The following ZNF763 variants were observed in gnomAD, a reference collection of about 807,000 sequenced individuals.
The protein encoded by ZNF763 is zinc finger protein 763.
Under a neutral mutation model 38.0 loss-of-function variants are expected in ZNF763, and 33 were observed. The observed-to-expected ratio is 0.87, with a 90% confidence interval of 0.66 to 1.16. ZNF763 has a LOEUF of 1.16. Among genes scored for constraint, ZNF763 ranks in the 50% most tolerant of loss-of-function variants. The pLI is 0.00. For synonymous variants in ZNF763, 155 were observed against 160.1 expected, an observed-to-expected ratio of 0.97 and a Z score of 0.24; for missense variants, 423 against 469.1, an observed-to-expected ratio of 0.90 and a Z score of 0.91.
At chr19:11,966,981 G>A (rs904085912) in intron 1 of ZNF763, among the ~76,000 whole-genome samples, 1 of 152,150 alleles carries the variant, frequency 6.6e-6, no homozygotes, top group Non-Finnish European at 1.5e-5. Context: ...AGGGTTCTTG[G>A]ATCTCACACA....
At chr19:11,978,031 G>A in intron 3 of ZNF763, 85 bp from the exon 4 acceptor site, 1 of 1,512,678 alleles carries the variant, frequency 6.6e-7, no homozygotes, top group Non-Finnish European at 8.9e-7. Flanking sequence ...CACCTTGATG[G>A]ACCATGTTAA....
intron 1 of ZNF763, among the ~76,000 whole-genome samples, chr19:11,967,149 A>G (rs1387383743): frequency 6.6e-6 from 1 of 152,178 alleles, no homozygotes; most frequent in Non-Finnish European, 1.5e-5. Context: ...ACCCTGGGCA[A>G]CATAGCGAAA....
chr19:11,977,077 C>G lies in ZNF763; in HGVS notation c.43C>G (p.Gln15Glu), dbSNP rs781659196. The G allele has an allele frequency of 5.0e-5, 80 of 1,614,144 alleles. 1 individual carries two copies. The South Asian group carries it at 8.1e-4, about 16-fold the overall frequency. ...TGAGGATGTTGCTGTGAACTTCACC[C>G]AGGAGGAGTGGGCTTTGCTGGATAT... is the stretch of plus-strand genomic sequence containing the variant. ...ACEDVAVNFT[Q>E]EEWALLDISQ... Residue 15 changes from glutamine (Q) to glutamate (E), a missense_variant, in exon 2 of 4, where the codon CAG becomes GAG. Coordinates refer to ENST00000358987, the MANE Select transcript of ZNF763 (RefSeq NM_001367172.2).
Position 11,979,481 on chromosome 19 carries a change from G to C in ZNF763, c.*372G>C. ...TTATAAATGTAAGACATGTGGGAAA[G>C]GCTTTTATTCTCCCACGTCATTTCA... On this transcript the variant is annotated 3_prime_UTR_variant, in exon 4 of 4. Coordinates refer to ENST00000358987, the MANE Select transcript of ZNF763 (RefSeq NM_001367172.2). The C allele has an allele frequency of 1.9e-6, 3 of 1,602,916 alleles. No homozygotes were observed.
chr19:11,966,635 G>T (rs904912324), intron 1 of ZNF763, among the ~76,000 whole-genome samples: 1 of 152,088 alleles, frequency 6.6e-6, no homozygotes, highest in Non-Finnish European at 1.5e-5. Flanking sequence ...CGGCCTCCCA[G>T]TGTGCGGGGA....
At position 11,978,248 on chromosome 19, in the gene ZNF763, C is replaced by T. The variant is rs771591771; in HGVS notation, c.324C>T (p.Asn108=). The T allele has an allele frequency of 6.8e-6, 11 of 1,614,030 alleles. No homozygotes were observed. The highest frequency in any genetic ancestry group is 8.5e-6 in the Non-Finnish European group (10 of 1,179,968). Residue 108 remains asparagine, a synonymous_variant, in exon 4 of 4, where the codon AAC becomes AAT. Transcript: ENST00000358987. ...KASPEAKSCD[N]FVCGEVGIGN... ...CTCCTGAAGCAAAATCATGTGATAA[C>T]TTTGTATGTGGAGAAGTTGGCATAG...
chr19:11,978,863 A>G lies in ZNF763; in HGVS notation c.939A>G (p.Glu313=). Residue 313 remains glutamate, a synonymous_variant, in exon 4 of 4, where the codon GAA becomes GAG. Coordinates refer to ENST00000358987, the MANE Select transcript of ZNF763 (RefSeq NM_001367172.2). The part of the protein sequence containing the change: ...ERTHTGEKPC[E]CSKCNKAFRS... ...CTCACACTGGGGAGAAGCCCTGTGA[A>G]TGTAGCAAATGTAATAAAGCATTCC... 6.2e-7 allele frequency: 1 copy of G among 1,614,030 alleles called. No individual in the cohort carries two copies. The highest frequency in any genetic ancestry group is 1.3e-5 in the African/African-American group (1 of 75,018).
rs1448559672 is a variant in ZNF763 at position 11,979,583 on chromosome 19, T to C, written c.*474T>C. The C allele has an allele frequency of 1.2e-6, 2 of 1,603,936 alleles. No individual in the cohort carries two copies. The highest frequency in any genetic ancestry group is 3.4e-5 in the Admixed American group (2 of 59,522). On this transcript the variant is annotated 3_prime_UTR_variant, in exon 4 of 4. Coordinates refer to ENST00000358987, the MANE Select transcript of ZNF763 (RefSeq NM_001367172.2). ...TGGTAAAGCCTTCAGTAGTTCCAGTTCCTTTTGGTACCATGAAAGGACTCA... is the reference window on the plus strand; with the variant it reads ...TGGTAAAGCCTTCAGTAGTTCCAGTCCCTTTTGGTACCATGAAAGGACTCA...
chr19:11,979,247 A>G lies in ZNF763; in HGVS notation c.*138A>G. The stretch of plus-strand genomic sequence containing the variant: ...CTTTCCAGTTCCTTTCAGTATCATG[A>G]AAGGACTCACACTGGAGAGAAACCC... On this transcript the variant is annotated 3_prime_UTR_variant, in exon 4 of 4. Coordinates refer to ENST00000358987, the MANE Select transcript of ZNF763 (RefSeq NM_001367172.2). The G allele has an allele frequency of 2.5e-6, 4 of 1,612,846 alleles. No homozygotes were observed. The highest frequency in any genetic ancestry group is 3.4e-6 in the Non-Finnish European group (4 of 1,179,458).
At position 11,977,352 on chromosome 19, in the gene ZNF763, T is replaced by G; in HGVS notation, c.131-19T>G. Reference sequence around the variant, plus strand: ...GTTTTATATTGCTTCAGGACTACTTTTCTGTGTCTGTATTTTAGGGAAAAA... The same window carrying G: ...GTTTTATATTGCTTCAGGACTACTTGTCTGTGTCTGTATTTTAGGGAAAAA... On this transcript the variant is annotated intron_variant, in intron 2 of 3. Transcript: ENST00000358987. 4 of 1,613,476 alleles carry G rather than the reference T, an allele frequency of 2.5e-6. No individual in the cohort carries two copies. The highest frequency in any genetic ancestry group is 3.4e-6 in the Non-Finnish European group (4 of 1,179,740).
intron 1 of ZNF763, among the ~76,000 whole-genome samples, chr19:11,974,473 G>A (rs1032479450): frequency 1.3e-5 from 2 of 151,808 alleles, no homozygotes; most frequent in African/African-American, 4.8e-5. Context: ...CTCAATTATA[G>A]GTGTGAGCCA....
chr19:11,979,405 A>G lies in ZNF763; in HGVS notation c.*296A>G. The G allele has an allele frequency of 1.9e-6, 3 of 1,610,110 alleles. No homozygotes were observed. The highest frequency in any genetic ancestry group is 2.5e-6 in the Non-Finnish European group (3 of 1,177,948). ...CCTTCAGATCTGCCTCACACCTTCA[A>G]ATTCATGAAAGGACACAAACACACA... is the stretch of plus-strand genomic sequence containing the variant. On this transcript the variant is annotated 3_prime_UTR_variant, in exon 4 of 4. Transcript: ENST00000358987.
At chr19:11,974,061 C>T (rs78896732) in intron 1 of ZNF763, among the ~76,000 whole-genome samples, 2,687 of 144,208 alleles carry the variant, frequency 0.019, 42 homozygotes, top group African/African-American at 0.027. Context: ...TCTTTCTTTC[C>T]TTCTTTCTTT....
chr19:11,979,892 C>A lies in ZNF763; in HGVS notation c.*783C>A, dbSNP rs1431527390. On this transcript the variant is annotated 3_prime_UTR_variant, in exon 4 of 4. Coordinates refer to ENST00000358987, the MANE Select transcript of ZNF763 (RefSeq NM_001367172.2). ...CGTAAGAATGCACTCTGTAGAAAGA[C>A]CTTATAAATGTAAGATATGTGGGAA... 1.4e-6 allele frequency: 2 copies of A among 1,424,480 alleles called. No individual in the cohort carries two copies. Among genetic ancestry groups the A allele is most frequent in the Admixed American group, 3.4e-5 (2 of 58,020 alleles). 88.2% of individuals were successfully genotyped at this position (1,424,480 alleles called of 1,614,324 possible).
intron 1 of ZNF763, among the ~76,000 whole-genome samples, chr19:11,971,455 A>T (rs1463464369): frequency 6.6e-6 from 1 of 152,176 alleles, no homozygotes; most frequent in Non-Finnish European, 1.5e-5. Context: ...TCATGCCGTA[A>T]CACCCTCCAA....
intron 1 of ZNF763, among the ~76,000 whole-genome samples, chr19:11,974,125 CTTTT>C (rs1568308449): frequency 2.1e-4 from 13 of 60,914 alleles, no homozygotes; most frequent in Admixed American, 5.2e-4. Flanking sequence ...TTCTTTCTTT[CTTTT>C]CTTTCTTTCT....
Position 11,979,495 on chromosome 19 carries a change from C to A in ZNF763, c.*386C>A, listed in dbSNP as rs1973575362. The A allele has an allele frequency of 6.2e-7, 1 of 1,601,694 alleles. No individual in the cohort carries two copies. The highest frequency in any genetic ancestry group is 1.3e-5 in the African/African-American group (1 of 74,164). On this transcript the variant is annotated 3_prime_UTR_variant, in exon 4 of 4. Coordinates refer to ENST00000358987, the MANE Select transcript of ZNF763 (RefSeq NM_001367172.2). ...CATGTGGGAAAGGCTTTTATTCTCC[C>A]ACGTCATTTCAAAGACATGAAAAAA...
intron 1 of ZNF763, among the ~76,000 whole-genome samples, chr19:11,965,575 G>GC (rs1163122000): frequency 6.6e-6 from 1 of 151,966 alleles, no homozygotes; most frequent in Non-Finnish European, 1.5e-5. Context: ...GGTCTGTGGG[G>GC]CCCCCAGTTC....
chr19:11,976,072 T>C (rs1022647383), intron 1 of ZNF763, among the ~76,000 whole-genome samples: 2 of 145,954 alleles, frequency 1.4e-5, no homozygotes, highest in African/African-American at 5.1e-5. Flanking sequence ...GCATGCCGGA[T>C]TTGGGTGGTC....
Sources: allele counts gnomAD v4.1 joint callset (sites outside exome capture counted in the v4.1 genomes callset), GRCh38; gene constraint gnomAD v4.1.1; transcripts MANE v1.5; gene names NCBI Gene and HGNC (gene_info 2026-07-23, HGNC 2026-07-21).